Variants in SETBP1 observed in about 807,000 individuals in gnomAD.
The protein encoded by SETBP1 is SET-binding protein.
SETBP1 carries 9 observed loss-of-function variants against 101.0 expected under a neutral mutation model. The observed-to-expected ratio is 0.09, with a 90% CI of 0.05 to 0.16. The LOEUF (loss-of-function observed/expected upper bound fraction) is 0.16, where lower values mean the gene tolerates loss of function less well. Among genes scored for constraint, SETBP1 ranks in the 10% least tolerant of loss-of-function variants. The probability of loss-of-function intolerance (pLI) is 1.00; values close to 1 mark genes in which losing one functional copy is unlikely to be tolerated. For missense variants in SETBP1, 1,858 were observed against 2,033.8 expected, an observed-to-expected ratio of 0.91 and a Z score of 1.66; for synonymous variants, 818 against 788.5, an observed-to-expected ratio of 1.04 and a Z score of -0.63.
chr18:45,006,325 G>T (rs1599438728), intron 4 of SETBP1, among the ~76,000 whole-genome samples: 1 of 152,084 alleles, frequency 6.6e-6, no homozygotes, highest in African/African-American at 2.4e-5. Context: ...GTTCCTACTA[G>T]CTTGTTCTTT....
chr18:44,916,745 T>C (rs948380816), intron 3 of SETBP1, among the ~76,000 whole-genome samples: 5 of 152,194 alleles, frequency 3.3e-5, no homozygotes, highest in Non-Finnish European at 7.4e-5. Flanking sequence ...ACTCCCAACT[T>C]TGCTATTCAT....
chr18:44,863,745 C>G (rs2069067513), intron 2 of SETBP1, among the ~76,000 whole-genome samples: 1 of 152,180 alleles, frequency 6.6e-6, no homozygotes, highest in Admixed American at 6.5e-5. Flanking sequence ...GCCATCTTCA[C>G]TCTGTCTCTC....
intron 4 of SETBP1, among the ~76,000 whole-genome samples, chr18:44,982,318 A>T (rs1041978063): frequency 1.3e-5 from 2 of 152,204 alleles, no homozygotes; most frequent in Non-Finnish European, 2.9e-5. Context: ...GCCGGCTGGA[A>T]GATCCACACA....
intron 2 of SETBP1, among the ~76,000 whole-genome samples, chr18:44,830,575 G>A (rs1397566219): frequency 6.6e-6 from 1 of 152,132 alleles, no homozygotes; most frequent in Non-Finnish European, 1.5e-5. Context: ...CCTATACGAA[G>A]GGTGTTTCTG....
chr18:45,047,768 C>T (rs1200640713), intron 5 of SETBP1, among the ~76,000 whole-genome samples: 1 of 151,818 alleles, frequency 6.6e-6, no homozygotes, highest in Non-Finnish European at 1.5e-5. Context: ...TCTAAGACAG[C>T]AGAGAGACAG....
intron 2 of SETBP1, among the ~76,000 whole-genome samples, chr18:44,770,638 T>C (rs991664352): frequency 1.3e-5 from 2 of 152,226 alleles, no homozygotes; most frequent in Non-Finnish European, 2.9e-5. Flanking sequence ...TCAGCCTTAA[T>C]TGTTCAGGAA....
intron 4 of SETBP1, among the ~76,000 whole-genome samples, chr18:44,985,119 C>A (rs754158636): frequency 1.3e-5 from 2 of 152,080 alleles, no homozygotes; most frequent in African/African-American, 4.8e-5. Context: ...CCAGACTGGG[C>A]GACAGAGACT....
intron 2 of SETBP1, among the ~76,000 whole-genome samples, chr18:44,767,868 C>A (rs929323450): frequency 1.3e-5 from 2 of 152,230 alleles, no homozygotes; most frequent in African/African-American, 4.8e-5. Context: ...AGCACCCAAT[C>A]TTCTGCCTCA....
rs551271313 is a variant in SETBP1 at position 44,770,049 on chromosome 18, C to T, written c.486+68217C>T. On this transcript the variant is annotated intron_variant, in intron 2 of 5. Coordinates refer to ENST00000649279, the MANE Select transcript of SETBP1 (RefSeq NM_015559.3). ...AATTCTTTCAAAAGGAAGAGGAAAA[C>T]GCTGCTTTCCATTTCCTCTTTCCCC... is the stretch of plus-strand genomic sequence containing the variant. Among the ~76,000 whole-genome samples, 5 of 152,294 alleles carry T rather than the reference C, an allele frequency of 3.3e-5. No individual in the cohort carries two copies. In the East Asian group the frequency reaches 7.7e-4, roughly 23 times the overall value.
At chr18:44,998,878 G>T (rs2072556887) in intron 4 of SETBP1, among the ~76,000 whole-genome samples, 1 of 152,216 alleles carries the variant, frequency 6.6e-6, no homozygotes, top group African/African-American at 2.4e-5. Flanking sequence ...ATTTTGACAT[G>T]TCAGGTTTGA....
At chr18:44,848,074 T>G (rs1462465613) in intron 2 of SETBP1, among the ~76,000 whole-genome samples, 2 of 58,226 alleles carry the variant, frequency 3.4e-5, no homozygotes, top group South Asian at 6.5e-4. Flanking sequence ...TCTCTGAAGG[T>G]GTGTGTGTGT....
intron 2 of SETBP1, among the ~76,000 whole-genome samples, chr18:44,790,793 G>A (rs1025975786): frequency 6.6e-6 from 1 of 152,156 alleles, no homozygotes; most frequent in Non-Finnish European, 1.5e-5. Flanking sequence ...CACTGTCCTA[G>A]GGGCTCAGGA....
At chr18:44,811,184 A>G (rs577742198) in intron 2 of SETBP1, among the ~76,000 whole-genome samples, 1 of 152,352 alleles carries the variant, frequency 6.6e-6, no homozygotes, top group African/African-American at 2.4e-5. Flanking sequence ...ATTCTTTGAA[A>G]ACATAACATA....
chr18:44,954,352 A>AG (rs1358897380), intron 4 of SETBP1, among the ~76,000 whole-genome samples: 2 of 151,556 alleles, frequency 1.3e-5, no homozygotes, highest in Non-Finnish European at 2.9e-5. Context: ...AAAAAAAAAA[A>AG]AACAGTTCTT....
At chr18:45,012,380 G>A (rs1450524650) in intron 4 of SETBP1, among the ~76,000 whole-genome samples, 2 of 152,164 alleles carry the variant, frequency 1.3e-5, no homozygotes, top group Non-Finnish European at 1.5e-5. Context: ...GGCCTCCAGG[G>A]TGTAGAGATT....
intron 5 of SETBP1, among the ~76,000 whole-genome samples, chr18:45,048,552 T>C (rs2073657852): frequency 6.6e-6 from 1 of 152,200 alleles, no homozygotes; most frequent in East Asian, 1.9e-4. Context: ...CCCCTACCCT[T>C]GAGGGCGTTA....
intron 3 of SETBP1, chr18:44,877,484 C>A: frequency 1.7e-6 from 1 of 600,732 alleles, no homozygotes; most frequent in Non-Finnish European, 2.1e-6. Context: ...GTTCACCCTC[C>A]AAAAAAAATG....
In SETBP1 at chr18:44,951,006, C is replaced by G. The variant is rs773986475; in HGVS notation, c.1666C>G (p.Leu556Val). 5 of 1,613,900 alleles carry G rather than the reference C, an allele frequency of 3.1e-6. No individual in the cohort carries two copies. The African/African-American group carries it at 4.0e-5, about 13-fold the overall frequency. Reference protein sequence around the residue: ...AVMATSDKLMLEPPSAYPITP... With the variant: ...AVMATSDKLMVEPPSAYPITP... ...TATGGCCACCTCTGATAAACTGATG[C>G]TGGAGCCCCCGTCTGCATATCCCAT... Residue 556 changes from leucine (L) to valine (V), a missense_variant, in exon 4 of 6, where the codon CTG becomes GTG. By Grantham distance (32) the Leu-to-Val change is conservative (BLOSUM62 1). Coordinates refer to ENST00000649279, the MANE Select transcript of SETBP1 (RefSeq NM_015559.3). The surrounding 1 kb of genome is among the most constrained non-coding windows in gnomAD (Gnocchi z 7.8).
chr18:45,007,619 A>T (rs930941746), intron 4 of SETBP1, among the ~76,000 whole-genome samples: 1 of 152,036 alleles, frequency 6.6e-6, no homozygotes, highest in African/African-American at 2.4e-5. Flanking sequence ...CACAGCTGTG[A>T]ATTTTTTCCA....
Sources: gnomAD v4.1 joint callset for allele counts (sites outside exome capture counted in the v4.1 genomes callset) on GRCh38, gnomAD v4.1.1 for gene constraint, Gnocchi (gnomAD v3.1) non-coding constraint, MANE v1.5 for transcripts, NCBI Gene and HGNC (gene_info 2026-07-23, HGNC 2026-07-21) for gene names.